Variants in DCUN1D4 observed in about 807,000 individuals in gnomAD.
The protein encoded by DCUN1D4 is DCN1-like protein 4.
In DCUN1D4, 22 loss-of-function variants were observed where a neutral mutation model predicts 47.9. That is an observed-to-expected ratio of 0.46 (90% confidence interval 0.33 to 0.66). DCUN1D4 has a LOEUF of 0.66. DCUN1D4 is among the 30% of genes least tolerant of loss of function. DCUN1D4 has a pLI of 0.02. For missense variants in DCUN1D4, 301 were observed against 340.8 expected (o/e 0.88, Z 0.92); for synonymous variants, 121 against 112.2 (o/e 1.08, Z -0.50).
intron 5 of DCUN1D4, among the ~76,000 whole-genome samples, chr4:51,882,297 A>G (rs970205313): frequency 4.6e-5 from 7 of 152,210 alleles, no homozygotes; most frequent in African/African-American, 1.7e-4. Flanking sequence ...CTCAGAGTTC[A>G]TTTTCCCATG....
At chr4:51,866,378 GTGATGA>G (rs540585746) in intron 3 of DCUN1D4, among the ~76,000 whole-genome samples, 22 of 149,062 alleles carry the variant, frequency 1.5e-4, no homozygotes, top group African/African-American at 4.8e-4. Context: ...CCAAATTATG[GTGATGA>G]TGATGATGAT....
intron 1 of DCUN1D4, among the ~76,000 whole-genome samples, chr4:51,845,878 C>T (rs1722465865): frequency 6.6e-6 from 1 of 152,168 alleles, no homozygotes; most frequent in Admixed American, 6.5e-5. Flanking sequence ...TTGTGGAGAT[C>T]ATTTATATCT....
chr4:51,863,546 G>T, intron 2 of DCUN1D4, 39 bp downstream of exon 2: 1 of 1,583,740 alleles, frequency 6.3e-7, no homozygotes, highest in East Asian at 2.2e-5. Flanking sequence ...CCAACTGTTT[G>T]AAGTAGTCAT....
At chr4:51,854,920 T>C (rs1332469666) in intron 1 of DCUN1D4, among the ~76,000 whole-genome samples, 4 of 152,206 alleles carry the variant, frequency 2.6e-5, no homozygotes, top group Non-Finnish European at 5.9e-5. Context: ...TTCAGATTTT[T>C]GGATTAGGAA....
chr4:51,851,125 C>T (rs2109822701), intron 1 of DCUN1D4, among the ~76,000 whole-genome samples: 1 of 152,218 alleles, frequency 6.6e-6, no homozygotes, highest in East Asian at 1.9e-4. Context: ...AGAACAGAAC[C>T]AAATGAGGCA....
At chr4:51,883,610 C>T (rs981324629) in intron 5 of DCUN1D4, among the ~76,000 whole-genome samples, 10 of 152,152 alleles carry the variant, frequency 6.6e-5, no homozygotes, top group African/African-American at 1.4e-4. Flanking sequence ...GAGAAAGAAA[C>T]GAGGAGTGTA....
the DCUN1D4 span, among the ~76,000 whole-genome samples, chr4:51,834,098 TCTTTCTTTTTTTTTTC>T: frequency 7.5e-6 from 1 of 133,368 alleles, no homozygotes. Flanking sequence ...TTTCTTTTCT[TCTTTCTTTTTTTTTTC>T]TTTTTTTTTT....
At chr4:51,867,324 T>A (rs1316284533) in intron 3 of DCUN1D4, among the ~76,000 whole-genome samples, 1 of 152,210 alleles carries the variant, frequency 6.6e-6, no homozygotes, top group Non-Finnish European at 1.5e-5. Flanking sequence ...CTGCAGCTCT[T>A]CTCTCTTCAC....
At chr4:51,904,443 TTG>T (rs1181682715) in intron 8 of DCUN1D4, among the ~76,000 whole-genome samples, 13 of 152,206 alleles carry the variant, frequency 8.5e-5, no homozygotes, top group Non-Finnish European at 1.9e-4. Flanking sequence ...TCACATCTCT[TTG>T]TGTAGTTCCC....
chr4:51,884,210 T>G (rs933795122), intron 5 of DCUN1D4: 1 of 152,140 alleles, frequency 6.6e-6, no homozygotes, highest in Non-Finnish European at 1.5e-5. Context: ...GTTTGAACTT[T>G]AGGGGGAGCC....
chr4:51,880,446 A>T (rs1231619249), intron 5 of DCUN1D4, among the ~76,000 whole-genome samples: 2 of 152,054 alleles, frequency 1.3e-5, no homozygotes, highest in Non-Finnish European at 2.9e-5. Flanking sequence ...GTGTGTGATT[A>T]TTTCACATGG....
In DCUN1D4 at chr4:51,868,214, C is replaced by T. The variant is rs564088085; in HGVS notation, c.136+4505C>T. Among the ~76,000 whole-genome samples the T allele has an allele frequency of 3.3e-4, 51 of 152,254 alleles. 1 individual carries two copies. Among genetic ancestry groups the T allele is most frequent in the African/African-American group, 1.1e-3 (45 of 41,562 alleles). On this transcript the variant is annotated intron_variant, in intron 3 of 10. Coordinates refer to ENST00000334635, the MANE Select transcript of DCUN1D4 (RefSeq NM_001040402.3). ...TTGAGAGTGCAGGGATGCCTGGGTCCGCAGCCATGGCTGGGCGGCTGCAGC... is the reference window on the plus strand; with the variant it reads ...TTGAGAGTGCAGGGATGCCTGGGTCTGCAGCCATGGCTGGGCGGCTGCAGC...
At chr4:51,850,451 G>A (rs1258557925) in intron 1 of DCUN1D4, among the ~76,000 whole-genome samples, 2 of 152,076 alleles carry the variant, frequency 1.3e-5, no homozygotes, top group Admixed American at 6.5e-5. Context: ...AGCCAAAATG[G>A]CTGAATTCAA....
chr4:51,867,410 G>C (rs1577907973), intron 3 of DCUN1D4, among the ~76,000 whole-genome samples: 1 of 152,340 alleles, frequency 6.6e-6, no homozygotes, highest in South Asian at 2.1e-4. Context: ...CCTGCCATTT[G>C]GTGGATCCTG....
intron 8 of DCUN1D4, among the ~76,000 whole-genome samples, chr4:51,906,202 T>A (rs1159760927): frequency 3.9e-5 from 6 of 152,154 alleles, no homozygotes; most frequent in Non-Finnish European, 7.3e-5. Context: ...GTACTCTCTT[T>A]CCCAGCAGAA....
At chr4:51,888,740 A>C (rs1361842079) in intron 6 of DCUN1D4, among the ~76,000 whole-genome samples, 3 of 151,830 alleles carry the variant, frequency 2.0e-5, no homozygotes, top group Non-Finnish European at 2.9e-5. Context: ...AAAAAAAAAA[A>C]AAACTCCATT....
rs1721874872 is a variant in DCUN1D4, at chr4:51,843,238, T to C, written c.-5T>C. On this transcript the variant is annotated 5_prime_UTR_variant, in exon 1 of 11. Coordinates refer to ENST00000334635, the MANE Select transcript of DCUN1D4 (RefSeq NM_001040402.3). ...GGCGGCGAGCCGGGTGTGAGCTGCC[T>C]GAAAATGCACTCGGATGCCGCCGCT... 1 of 1,541,640 alleles carries C rather than the reference T, an allele frequency of 6.5e-7. No homozygotes were observed. The highest frequency in any genetic ancestry group is 8.7e-7 in the Non-Finnish European group (1 of 1,143,692).
the DCUN1D4 span, among the ~76,000 whole-genome samples, chr4:51,835,533 G>A: frequency 6.6e-6 from 1 of 152,334 alleles, no homozygotes; most frequent in East Asian, 1.9e-4. Flanking sequence ...TGGTGATGGT[G>A]CTTTGAAGCC....
chr4:51,860,232 GTGA>G (rs1434197079), intron 1 of DCUN1D4, among the ~76,000 whole-genome samples: 1 of 151,984 alleles, frequency 6.6e-6, no homozygotes, highest in Non-Finnish European at 1.5e-5. Flanking sequence ...TTTAGTTGAA[GTGA>G]TGATGATGTG....
Sources: allele counts gnomAD v4.1 joint callset (sites outside exome capture counted in the v4.1 genomes callset), GRCh38; gene constraint gnomAD v4.1.1; transcripts MANE v1.5; gene names NCBI Gene and HGNC (gene_info 2026-07-23, HGNC 2026-07-21).